The following ADAMTS2 variants were observed in gnomAD, a reference collection of about 807,000 sequenced individuals.
The protein encoded by ADAMTS2 is A disintegrin and metalloproteinase with thrombospondin motifs 2.
A neutral mutation model predicts 123.0 loss-of-function variants in ADAMTS2; 50 were observed. That is an observed-to-expected ratio of 0.41 (90% CI 0.32 to 0.51). The LOEUF (loss-of-function observed/expected upper bound fraction) is 0.51. ADAMTS2 is among the 20% of genes least tolerant of loss of function. ADAMTS2 has a pLI of 0.35. For synonymous variants in ADAMTS2, 678 were observed against 695.4 expected (o/e 0.98, Z 0.39); for missense variants, 1,494 against 1,705.2 (o/e 0.88, Z 2.18).
chr5:179,238,723 G>A (rs1410623599), intron 3 of ADAMTS2, among the ~76,000 whole-genome samples: 1 of 152,172 alleles, frequency 6.6e-6, no homozygotes, highest in Non-Finnish European at 1.5e-5. Context: ...GGGTCCCAGG[G>A]CGAGGCGCTG....
chr5:179,266,151 A>T (rs1037198328), intron 3 of ADAMTS2, among the ~76,000 whole-genome samples: 2 of 152,216 alleles, frequency 1.3e-5, no homozygotes, highest in Non-Finnish European at 2.9e-5. Flanking sequence ...CTGCAAATCC[A>T]GCCAAAGCCC....
In ADAMTS2 at chr5:179,181,780, C is replaced by T. The variant is rs1426318377; in HGVS notation, c.892-625G>A. 3.9e-5 allele frequency among the ~76,000 whole-genome samples: 6 copies of T among 152,200 alleles called. No homozygotes were observed. Among genetic ancestry groups the T allele is most frequent in the Admixed American group, 3.9e-4 (6 of 15,286 alleles). ...CACAATCATATTCTTACACGTGTTTCATTCTTCACATTTAAAACCATTATT... is the reference window on the plus strand; with the variant it reads ...CACAATCATATTCTTACACGTGTTTTATTCTTCACATTTAAAACCATTATT... On this transcript the variant is annotated intron_variant, in intron 4 of 21. Coordinates refer to ENST00000251582, the MANE Select transcript of ADAMTS2 (RefSeq NM_014244.5). The surrounding 1 kb of genome is among the most constrained non-coding windows in gnomAD (Gnocchi z 4.1).
At position 179,122,044 on chromosome 5, in the gene ADAMTS2, C is replaced by T. The variant is rs12374473; in HGVS notation, c.3089-294G>A. Among the ~76,000 whole-genome samples, 2,268 of 152,268 alleles carry T rather than the reference C, an allele frequency of 0.015. 25 individuals are homozygous for T. The highest frequency in any genetic ancestry group is 0.025 in the Non-Finnish European group (1,714 of 68,012). The stretch of plus-strand genomic sequence containing the variant: ...CCTCTGCCCCTGCACCCTGCCCGCG[C>T]CCCGGGTTCCACCTGCTGACTCGAG... On this transcript the variant is annotated intron_variant, in intron 20 of 21. Coordinates refer to ENST00000251582, the MANE Select transcript of ADAMTS2 (RefSeq NM_014244.5).
Position 179,153,519 on chromosome 5 carries a change from A to G in ADAMTS2, c.1487T>C (p.Phe496Ser). 1 of 1,610,582 alleles carries G rather than the reference A, an allele frequency of 6.2e-7. No homozygotes were observed. The highest frequency in any genetic ancestry group is 8.5e-7 in the Non-Finnish European group (1 of 1,179,848). Residue 496 changes from phenylalanine to serine, a missense_variant, in exon 9 of 22, where the codon TTC becomes TCC. Coordinates refer to ENST00000251582, the MANE Select transcript of ADAMTS2 (RefSeq NM_014244.5). ...CGTGCACATCATGTAGCCCAGGCCGAAGTCAAAGCGGCATTGCTCGTTCAT... is the reference window on the plus strand; with the variant it reads ...CGTGCACATCATGTAGCCCAGGCCGGAGTCAAAGCGGCATTGCTCGTTCAT... ...YSMNEQCRFD[F>S]GLGYMMCTAF... is the part of the protein sequence containing the mutation.
At chr5:179,318,718 G>A (rs899050712) in intron 2 of ADAMTS2, among the ~76,000 whole-genome samples, 3 of 151,788 alleles carry the variant, frequency 2.0e-5, no homozygotes, top group Admixed American at 6.5e-5. Flanking sequence ...AGGCCCCCTC[G>A]GCTCAGGATG....
At chr5:179,177,088 G>A (rs966481313) in intron 5 of ADAMTS2, among the ~76,000 whole-genome samples, 1 of 152,148 alleles carries the variant, frequency 6.6e-6, no homozygotes, top group Admixed American at 6.5e-5. Context: ...TTCTGGAAGC[G>A]GTCCCCTGAG....
intron 2 of ADAMTS2, among the ~76,000 whole-genome samples, chr5:179,323,077 G>A (rs1757229787): frequency 6.6e-6 from 1 of 152,218 alleles, no homozygotes; most frequent in African/African-American, 2.4e-5. Context: ...AAACCAAGGA[G>A]CCCTCACCTG....
chr5:179,335,932 C>T (rs866090976), intron 2 of ADAMTS2, among the ~76,000 whole-genome samples: 9 of 152,366 alleles, frequency 5.9e-5, no homozygotes, highest in Middle Eastern at 3.4e-3. Context: ...CTCTCCAAAC[C>T]TTGTCGTTTA....
At chr5:179,249,348 A>G (rs1348061576) in intron 3 of ADAMTS2, among the ~76,000 whole-genome samples, 1 of 152,112 alleles carries the variant, frequency 6.6e-6, no homozygotes, top group Non-Finnish European at 1.5e-5. Flanking sequence ...AAGGAACCAG[A>G]AGAAAAGCAA....
At chr5:179,121,805 C>G in intron 20 of ADAMTS2, 55 bp from the exon 21 acceptor site, 1 of 1,286,862 alleles carries the variant, frequency 7.8e-7, no homozygotes, top group Non-Finnish European at 1.1e-6. Flanking sequence ...GGGCCCCCAC[C>G]CCAGGCAGAG....
rs1179654768 is a variant in ADAMTS2 at position 179,307,089 on chromosome 5, A to C, written c.535-34025T>G. On this transcript the variant is annotated intron_variant, in intron 2 of 21. Transcript: ENST00000251582. This position sits in a 1 kb window ranked among gnomAD's most constrained non-coding sequence, Gnocchi z 5.6. ...AGTAGAGGGGCAGCCGAGTAAGAAG[A>C]ACCTCTCGGGGAAGTCAGTGGCCAG... is the stretch of plus-strand genomic sequence containing the variant. Among the ~76,000 whole-genome samples the C allele has an allele frequency of 6.6e-6, 1 of 152,024 alleles. No individual in the cohort carries two copies. Among genetic ancestry groups the C allele is most frequent in the East Asian group, 1.9e-4 (1 of 5,156 alleles).
intron 10 of ADAMTS2, among the ~76,000 whole-genome samples, chr5:179,142,452 CT>C (rs1763186817): frequency 6.6e-6 from 1 of 152,202 alleles, no homozygotes; most frequent in Non-Finnish European, 1.5e-5. Flanking sequence ...CACCCTGCCC[CT>C]GTGAAAGGTC....
rs146295427 is a variant in ADAMTS2 at position 179,189,510 on chromosome 5, G to GTTTTTTTTTTT, written c.892-8366_892-8356dup. 1.3e-5 allele frequency among the ~76,000 whole-genome samples: 1 copy of GTTTTTTTTTTT among 78,948 alleles called. No homozygotes were observed. Among genetic ancestry groups the GTTTTTTTTTTT allele is most frequent in the African/African-American group, 4.5e-5 (1 of 22,366 alleles). The allele number at this position is 78,948 out of a possible 152,430, so 51.8% of individuals were successfully genotyped here. The stretch of plus-strand genomic sequence containing the variant: ...CTACAGGCGCCCGCCAGTGCGCCTG[G>GTTTTTTTTTTT]TTTTTTTTTTTTTTTTTTTTTTTTT... On this transcript the variant is annotated intron_variant, in intron 4 of 21. Transcript: ENST00000251582. The surrounding 1 kb of genome is among the most constrained non-coding windows in gnomAD (Gnocchi z 4.2).
intron 2 of ADAMTS2, among the ~76,000 whole-genome samples, chr5:179,274,980 G>A (rs1009531654): frequency 6.6e-6 from 1 of 152,192 alleles, no homozygotes; most frequent in South Asian, 2.1e-4. Flanking sequence ...TCCATATGGG[G>A]GAAACCGCAC....
In ADAMTS2 at chr5:179,125,035, T is replaced by C; in HGVS notation, c.2896A>G (p.Ser966Gly). Residue 966 changes from serine (S) to glycine (G), a missense_variant, in exon 19 of 22, where the codon AGC becomes GGC. Coordinates refer to ENST00000251582, the MANE Select transcript of ADAMTS2 (RefSeq NM_014244.5). ...AGCTCGCGGCTGCAGGCCCGGCGGC[T>C]CTCGGGCCGGGCGTCATTGCAGTGC... ...AKHCNDARPE[S>G]RRACSRELCP... 1 of 1,607,796 alleles carries C rather than the reference T, an allele frequency of 6.2e-7. No individual in the cohort carries two copies. The highest frequency in any genetic ancestry group is 8.5e-7 in the Non-Finnish European group (1 of 1,178,652).
intron 2 of ADAMTS2, among the ~76,000 whole-genome samples, chr5:179,302,689 A>ACGCAGC (rs1227719661): frequency 1.4e-4 from 21 of 151,324 alleles, no homozygotes; most frequent in African/African-American, 4.4e-4. Context: ...ACAGAGAGTG[A>ACGCAGC]CGCAGCCGTG....
chr5:179,125,978 C>A lies in ADAMTS2; in HGVS notation c.2750+20G>T. On this transcript the variant is annotated intron_variant, in intron 18 of 21. Coordinates refer to ENST00000251582, the MANE Select transcript of ADAMTS2 (RefSeq NM_014244.5). ...CCTGGCCTGTCTCCTCTAGTGGGAGCCCGAGCTGGGGGCACTCACACTGGC... is the reference window on the plus strand; with the variant it reads ...CCTGGCCTGTCTCCTCTAGTGGGAGACCGAGCTGGGGGCACTCACACTGGC... 1.2e-6 allele frequency: 2 copies of A among 1,613,106 alleles called. No individual in the cohort carries two copies. The highest frequency in any genetic ancestry group is 8.5e-7 in the Non-Finnish European group (1 of 1,179,940).
rs1029473019 is a variant in ADAMTS2, at chr5:179,234,301, C to T, written c.689-26586G>A. Among the ~76,000 whole-genome samples, 8 of 152,262 alleles carry T rather than the reference C, an allele frequency of 5.3e-5. No homozygotes were observed. The highest frequency in any genetic ancestry group is 1.9e-4 in the African/African-American group (8 of 41,558). On this transcript the variant is annotated intron_variant, in intron 3 of 21. Coordinates refer to ENST00000251582, the MANE Select transcript of ADAMTS2 (RefSeq NM_014244.5). The surrounding 1 kb of genome is among the most constrained non-coding windows in gnomAD (Gnocchi z 4.7). The stretch of plus-strand genomic sequence containing the variant: ...GGTGGGCAGTCCTCAGGTGACTTCT[C>T]CAGCTCTGCATGGAGAAGGCCTCAC...
rs562400327 is a variant in ADAMTS2, at chr5:179,188,167, C to A, written c.892-7012G>T. ...CCTTCAGGAAAGTTCCCATGTCCTT[C>A]GCTCAGCTGAGCTTTGGGCCACCAG... is the stretch of plus-strand genomic sequence containing the variant. On this transcript the variant is annotated intron_variant, in intron 4 of 21. Transcript: ENST00000251582. The surrounding 1 kb of genome is among the most constrained non-coding windows in gnomAD (Gnocchi z 5.1). Among the ~76,000 whole-genome samples the A allele has an allele frequency of 1.3e-5, 2 of 152,188 alleles. No homozygotes were observed. The highest frequency in any genetic ancestry group is 2.9e-5 in the Non-Finnish European group (2 of 68,038).
Sources: allele counts gnomAD v4.1 joint callset (sites outside exome capture counted in the v4.1 genomes callset), GRCh38; gene constraint gnomAD v4.1.1; non-coding constraint Gnocchi (gnomAD v3.1); transcripts MANE v1.5; gene names NCBI Gene and HGNC (gene_info 2026-07-23, HGNC 2026-07-21).